The following SCLT1 variants were observed in gnomAD, a reference collection of about 807,000 sequenced individuals.
SCLT1 encodes the protein sodium channel-associated protein 1.
SCLT1 carries 78 observed loss-of-function variants against 112.8 expected under a neutral mutation model. The observed-to-expected ratio is 0.69, with a 90% confidence interval of 0.58 to 0.83. SCLT1 has a LOEUF of 0.83. Among genes scored for constraint, SCLT1 ranks in the 40% least tolerant of loss-of-function variants. SCLT1 has a pLI of 0.00. For missense variants in SCLT1, 747 were observed against 770.4 expected (o/e 0.97, Z 0.36); for synonymous variants, 257 against 254.7 (o/e 1.01, Z -0.09).
rs189048157 is a variant in SCLT1 at position 128,896,242 on chromosome 4, A to T, written c.1830-5105T>A. Reference sequence around the variant, plus strand: ...CTGAGAACAGACAGACTGCCTCCTCAAGTGGGTCCCTGACCCCCAAGTAGC... The same window carrying T: ...CTGAGAACAGACAGACTGCCTCCTCTAGTGGGTCCCTGACCCCCAAGTAGC... On this transcript the variant is annotated intron_variant, in intron 18 of 20. Transcript: ENST00000281142. 1.5e-3 allele frequency among the ~76,000 whole-genome samples: 232 copies of T among 152,298 alleles called. 2 individuals carry two copies. Among genetic ancestry groups the T allele is most frequent in the East Asian group, 0.013 (66 of 5,158 alleles).
At chr4:128,957,265 T>C in intron 12 of SCLT1, 141 bp from the exon 13 acceptor site, 2 of 519,730 alleles carry the variant, frequency 3.8e-6, no homozygotes, top group East Asian at 3.2e-5. Flanking sequence ...AAATCACGAA[T>C]GATATTTATT....
At chr4:128,968,911 G>T (rs1740436478) in intron 10 of SCLT1, among the ~76,000 whole-genome samples, 2 of 152,080 alleles carry the variant, frequency 1.3e-5, no homozygotes, top group African/African-American at 2.4e-5. Flanking sequence ...TCATCTTTGT[G>T]GTTCCCTCGC....
At chr4:128,932,718 A>G (rs192458329) in intron 18 of SCLT1, among the ~76,000 whole-genome samples, 143 of 152,252 alleles carry the variant, frequency 9.4e-4, no homozygotes, top group African/African-American at 3.3e-3. Context: ...AACCCTAAAG[A>G]CCTCATCAAA....
intron 5 of SCLT1, among the ~76,000 whole-genome samples, chr4:129,015,382 C>G (rs116728794): frequency 0.018 from 2,741 of 152,108 alleles, 69 homozygotes; most frequent in African/African-American, 0.055. Flanking sequence ...TCCCAGGGCA[C>G]CTGAGGCTGT....
chr4:128,951,032 T>C (rs1000687982), intron 14 of SCLT1, among the ~76,000 whole-genome samples: 10 of 152,086 alleles, frequency 6.6e-5, no homozygotes. Context: ...TACAAATTTT[T>C]CTCCTTCCTG....
intron 2 of SCLT1, among the ~76,000 whole-genome samples, chr4:129,065,808 A>G (rs1750432063): frequency 6.6e-6 from 1 of 152,132 alleles, no homozygotes; most frequent in Non-Finnish European, 1.5e-5. Flanking sequence ...TCAAGTGTGA[A>G]TTCTAAATTA....
chr4:129,092,144 C>G (rs1752886957), intron 1 of SCLT1, among the ~76,000 whole-genome samples: 3 of 152,202 alleles, frequency 2.0e-5, no homozygotes, highest in Admixed American at 1.3e-4. Flanking sequence ...TCATGCCACT[C>G]TCAACTGAAT....
chr4:128,882,812 C>T (rs1732671620), downstream of SCLT1, among the ~76,000 whole-genome samples: 2 of 152,060 alleles, frequency 1.3e-5, no homozygotes, highest in South Asian at 4.1e-4. Context: ...CTCTGAGGAA[C>T]TGATATTTGA....
intron 9 of SCLT1, among the ~76,000 whole-genome samples, chr4:128,987,653 G>GA (rs371890857): frequency 1.3e-5 from 2 of 151,550 alleles, no homozygotes; most frequent in African/African-American, 4.8e-5. Context: ...ACTCAGAGGT[G>GA]AAAAAAAAGA....
chr4:129,062,922 G>A (rs953391192), intron 2 of SCLT1, among the ~76,000 whole-genome samples: 7 of 152,296 alleles, frequency 4.6e-5, no homozygotes, highest in South Asian at 2.1e-4. Context: ...ACGTCCAGAC[G>A]TCTCCCAAGA....
Position 129,000,911 on chromosome 4 carries a change from G to A in SCLT1, c.427-1117C>T, listed in dbSNP as rs776482731. 6.6e-5 allele frequency among the ~76,000 whole-genome samples: 10 copies of A among 150,696 alleles called. No homozygotes were observed. In the East Asian group the frequency reaches 9.8e-4, roughly 15 times the overall value. ...TCTTCTCCTAAATAACCATTTCCTC[G>A]TGTTCCTAACACCATAGATTAGTTT... On this transcript the variant is annotated intron_variant, in intron 6 of 20. Coordinates refer to ENST00000281142, the MANE Select transcript of SCLT1 (RefSeq NM_144643.4).
At position 128,888,751 on chromosome 4, in the gene SCLT1, A is replaced by G; in HGVS notation, c.1932T>C (p.His644=). The G allele has an allele frequency of 6.2e-7, 1 of 1,610,494 alleles. No homozygotes were observed. Among genetic ancestry groups the G allele is most frequent in the Non-Finnish European group, 8.5e-7 (1 of 1,177,088 alleles). Residue 644 remains histidine (H), a synonymous_variant, in exon 20 of 21, where the codon CAT becomes CAC. Transcript: ENST00000281142. ...TTTGAAGTCTGTTGGCTTTTTCTTG[A>G]TGCTCTAGAATTAGCTTTTCATTCT... ...VAENEKLILE[H]QEKANRLQRR...
At chr4:129,007,256 T>C (rs1020495485) in intron 5 of SCLT1, among the ~76,000 whole-genome samples, 2 of 152,180 alleles carry the variant, frequency 1.3e-5, no homozygotes, top group Admixed American at 6.5e-5. Flanking sequence ...CCTTAAGAGA[T>C]TTCTTAATTG....
At chr4:129,062,544 CA>C (rs1750079646) in intron 2 of SCLT1, among the ~76,000 whole-genome samples, 1 of 152,120 alleles carries the variant, frequency 6.6e-6, no homozygotes, top group African/African-American at 2.4e-5. Context: ...GCTTCAGCTT[CA>C]AGAACTCTTT....
chr4:129,058,838 T>A (rs1394349423), intron 2 of SCLT1, among the ~76,000 whole-genome samples: 1 of 152,138 alleles, frequency 6.6e-6, no homozygotes, highest in Non-Finnish European at 1.5e-5. Context: ...AGTCTATCTA[T>A]CACTTTAGAT....
chr4:128,991,827 T>C (rs535736252), intron 9 of SCLT1, among the ~76,000 whole-genome samples: 25 of 151,968 alleles, frequency 1.6e-4, no homozygotes, highest in African/African-American at 5.8e-4. Flanking sequence ...ATACAGTATA[T>C]AATCTATTTG....
At chr4:128,924,735 G>A (rs1462412000) in intron 18 of SCLT1, among the ~76,000 whole-genome samples, 1 of 151,990 alleles carries the variant, frequency 6.6e-6, no homozygotes, top group Admixed American at 6.6e-5. Flanking sequence ...TTTTGTGTAT[G>A]GTGTGATGTA....
intron 2 of SCLT1, among the ~76,000 whole-genome samples, chr4:129,056,942 C>T (rs895392479): frequency 2.0e-5 from 3 of 152,206 alleles, no homozygotes; most frequent in Non-Finnish European, 2.9e-5. Context: ...AACTTTTACG[C>T]TGTCAGAATA....
intron 4 of SCLT1, 122 bp from the exon 5 acceptor site, chr4:129,039,218 T>C: frequency 1.6e-6 from 1 of 619,656 alleles, no homozygotes. Flanking sequence ...GACTTATTCT[T>C]TATTTATAAC....
Sources: gnomAD v4.1 joint callset for allele counts (sites outside exome capture counted in the v4.1 genomes callset) on GRCh38, gnomAD v4.1.1 for gene constraint, MANE v1.5 for transcripts, NCBI Gene and HGNC (gene_info 2026-07-23, HGNC 2026-07-21) for gene names.